Variants in ZNF679 observed in about 807,000 individuals in gnomAD.
The protein encoded by ZNF679 is hypothetical protein MGC42415.
ZNF679 carries 10 observed loss-of-function variants against 13.4 expected under a neutral mutation model. The observed-to-expected ratio is 0.75, with a 90% CI of 0.46 to 1.27. ZNF679 has a LOEUF of 1.27. ZNF679 is among the 50% of genes most tolerant of loss of function. The pLI is 0.00. For missense variants in ZNF679, 525 were observed against 477.8 expected (o/e 1.10, Z -0.92); for synonymous variants, 179 against 162.5 (o/e 1.10, Z -0.77).
chr7:64,256,518 T>G (rs961557306), intron 2 of ZNF679, among the ~76,000 whole-genome samples: 2 of 152,158 alleles, frequency 1.3e-5, no homozygotes, highest in Non-Finnish European at 2.9e-5. Context: ...GTTAAACAAA[T>G]TTATACGCTC....
At chr7:64,240,774 T>C (rs539120093) in intron 1 of ZNF679, among the ~76,000 whole-genome samples, 35 of 152,282 alleles carry the variant, frequency 2.3e-4, no homozygotes, top group African/African-American at 7.2e-4. Context: ...AAATTCACAA[T>C]CCGGGACATT....
At chr7:64,238,719 A>G (rs1787757645) in intron 1 of ZNF679, among the ~76,000 whole-genome samples, 1 of 152,164 alleles carries the variant, frequency 6.6e-6, no homozygotes, top group African/African-American at 2.4e-5. Flanking sequence ...GTTATTTCAT[A>G]CCTACATATA....
chr7:64,244,692 G>A (rs565579504), intron 1 of ZNF679, among the ~76,000 whole-genome samples: 4 of 152,286 alleles, frequency 2.6e-5, no homozygotes, highest in Non-Finnish European at 5.9e-5. Context: ...AATCACAAAT[G>A]ACTCATTTCC....
At chr7:64,263,060 G>T (rs999651697) in intron 4 of ZNF679, among the ~76,000 whole-genome samples, 1 of 151,856 alleles carries the variant, frequency 6.6e-6, no homozygotes, top group African/African-American at 2.4e-5. Flanking sequence ...ATCAGTTTTG[G>T]TTAGAAAAAA....
rs758861615 is a variant in ZNF679 at position 64,266,364 on chromosome 7, A to T, written c.731A>T (p.Glu244Val). 4 of 1,613,700 alleles carry T rather than the reference A, an allele frequency of 2.5e-6. No individual in the cohort carries two copies. Among genetic ancestry groups the T allele is most frequent in the Non-Finnish European group, 3.4e-6 (4 of 1,179,816 alleles). ...HTGEKPYRCE[E>V]CGKAFTWSST... The stretch of plus-strand genomic sequence containing the variant: ...GGAGAGAAACCCTACAGATGTGAGG[A>T]ATGTGGCAAAGCTTTTACCTGGTCC... Residue 244 changes from glutamate (E) to valine (V), a missense_variant, in exon 5 of 5, where the codon GAA (glutamate) becomes GTA (valine). Glu to Val is a moderately radical substitution (Grantham distance 121, BLOSUM62 -2). Transcript: ENST00000421025.
intron 4 of ZNF679, among the ~76,000 whole-genome samples, chr7:64,265,025 G>A (rs1788125672): frequency 6.6e-6 from 1 of 151,708 alleles, no homozygotes; most frequent in South Asian, 2.1e-4. Flanking sequence ...TTCTCACTGA[G>A]CATAATATGG....
intron 1 of ZNF679, among the ~76,000 whole-genome samples, chr7:64,233,731 G>A (rs1020127093): frequency 1.3e-5 from 2 of 152,122 alleles, no homozygotes; most frequent in Non-Finnish European, 2.9e-5. Context: ...ATGCTTGGGA[G>A]TAGGGTGGTC....
intron 1 of ZNF679, among the ~76,000 whole-genome samples, chr7:64,248,322 G>T (rs546167937): frequency 2.7e-5 from 4 of 150,262 alleles, no homozygotes; most frequent in Non-Finnish European, 5.9e-5. Flanking sequence ...TGGCTCTTTC[G>T]CCCAGGCTGC....
At position 64,265,946 on chromosome 7, in the gene ZNF679, G is replaced by A; in HGVS notation, c.313G>A (p.Asp105Asn). The stretch of plus-strand genomic sequence containing the variant: ...CCTTCCGCCAGAGCTAGGCATAAAA[G>A]ATTCACTCCAAAAAGTAATACCAAG... ...QDLPPELGIKDSLQKVIPRRY... is the reference protein window; with the variant it reads ...QDLPPELGIKNSLQKVIPRRY... Residue 105 changes from aspartate to asparagine, a missense_variant, in exon 5 of 5, where the codon GAT (aspartate) becomes AAT (asparagine). Physicochemically the swap from Asp to Asn is conservative, Grantham distance 23. Coordinates refer to ENST00000421025, the MANE Select transcript of ZNF679 (RefSeq NM_153363.3). 1 of 1,613,822 alleles carries A rather than the reference G, an allele frequency of 6.2e-7. No individual in the cohort carries two copies. Among genetic ancestry groups the A allele is most frequent in the East Asian group, 2.2e-5 (1 of 44,856 alleles).
intron 4 of ZNF679, among the ~76,000 whole-genome samples, chr7:64,263,087 G>A (rs1224040648): frequency 6.6e-6 from 1 of 151,918 alleles, no homozygotes; most frequent in African/African-American, 2.4e-5. Context: ...GTATGATTTT[G>A]CTCTTCTTAA....
intron 2 of ZNF679, among the ~76,000 whole-genome samples, chr7:64,255,009 AAAAAAAAAG>A (rs1294470762): frequency 3.4e-4 from 51 of 150,290 alleles, no homozygotes; most frequent in Non-Finnish European, 6.4e-4. Context: ...CAAAAAAAAA[AAAAAAAAAG>A]AAAAAAAATT....
At chr7:64,244,993 T>C (rs181181086) in intron 1 of ZNF679, among the ~76,000 whole-genome samples, 390 of 152,220 alleles carry the variant, frequency 2.6e-3, no homozygotes, top group Non-Finnish European at 3.6e-3. Context: ...TTCATCCATT[T>C]TGTTGTTGTT....
At chr7:64,236,181 C>T (rs1052811413) in intron 1 of ZNF679, among the ~76,000 whole-genome samples, 2 of 151,962 alleles carry the variant, frequency 1.3e-5, no homozygotes, top group African/African-American at 4.8e-5. Context: ...AGGAGAATTG[C>T]TTGAACTCAG....
chr7:64,238,042 G>A (rs1424282309), intron 1 of ZNF679, among the ~76,000 whole-genome samples: 1 of 152,104 alleles, frequency 6.6e-6, no homozygotes, highest in Non-Finnish European at 1.5e-5. Context: ...CTGATGGTCA[G>A]GATCATTACC....
chr7:64,241,957 C>A (rs907564619), intron 1 of ZNF679, among the ~76,000 whole-genome samples: 91 of 152,166 alleles, frequency 6.0e-4, no homozygotes, highest in Non-Finnish European at 7.8e-4. Context: ...ATTTAAAACC[C>A]CACAAATGTG....
At chr7:64,265,688 G>A (rs1788134256) in intron 4 of ZNF679, among the ~76,000 whole-genome samples, 1 of 152,044 alleles carries the variant, frequency 6.6e-6, no homozygotes, top group African/African-American at 2.4e-5. Context: ...CCCACCTGGT[G>A]CACACACTTT....
intron 1 of ZNF679, among the ~76,000 whole-genome samples, chr7:64,232,611 G>C (rs141158713): frequency 2.0e-5 from 3 of 152,156 alleles, no homozygotes; most frequent in African/African-American, 7.2e-5. Flanking sequence ...GCTTGGCCCC[G>C]TGATATGGTT....
chr7:64,253,071 C>T (rs138798726), intron 2 of ZNF679, among the ~76,000 whole-genome samples: 2 of 152,182 alleles, frequency 1.3e-5, no homozygotes, highest in South Asian at 2.1e-4. Flanking sequence ...GGACTGCGCA[C>T]CTTCTAGGAA....
At position 64,260,382 on chromosome 7, in the gene ZNF679, T is replaced by C. The variant is rs527986098; in HGVS notation, c.166+35T>C. 22 of 1,569,038 alleles carry C rather than the reference T, an allele frequency of 1.4e-5. No individual in the cohort carries two copies. The African/African-American group carries it at 2.5e-4, about 18-fold the overall frequency. On this transcript the variant is annotated intron_variant, in intron 3 of 4. Transcript: ENST00000421025. Reference sequence around the variant, plus strand: ...ACTTCAATACACAATTCCTAATATATTTCTTTTCTCTCTTTTCTAAAATGT... The same window carrying C: ...ACTTCAATACACAATTCCTAATATACTTCTTTTCTCTCTTTTCTAAAATGT...
Sources: allele counts gnomAD v4.1 joint callset (sites outside exome capture counted in the v4.1 genomes callset), GRCh38; gene constraint gnomAD v4.1.1; transcripts MANE v1.5; gene names NCBI Gene and HGNC (gene_info 2026-07-23, HGNC 2026-07-21).